The following JAK2 variants were observed in gnomAD, a reference collection of about 807,000 sequenced individuals.
The protein encoded by JAK2 is tyrosine-protein kinase JAK2.
In JAK2, 86 loss-of-function variants were observed where a neutral mutation model predicts 139.3. The observed-to-expected ratio is 0.62, with a 90% CI of 0.52 to 0.74. JAK2 has a LOEUF of 0.74. Among genes scored for constraint, JAK2 ranks in the 30% least tolerant of loss-of-function variants. The pLI is 0.00. For synonymous variants in JAK2, 490 were observed against 437.7 expected (o/e 1.12, Z -1.49); for missense variants, 1,421 against 1,360.3 (o/e 1.04, Z -0.70).
chr9:5,034,559 A>G (rs1220816103), intron 4 of JAK2, among the ~76,000 whole-genome samples: 2 of 152,100 alleles, frequency 1.3e-5, no homozygotes, highest in Non-Finnish European at 2.9e-5. Flanking sequence ...CAGTGCAATC[A>G]AACTAGAACT....
intron 19 of JAK2, among the ~76,000 whole-genome samples, chr9:5,083,202 G>A (rs1213439927): frequency 7.1e-6 from 1 of 140,786 alleles, no homozygotes; most frequent in Non-Finnish European, 1.6e-5. Context: ...TTATCTCAGG[G>A]AGAATTAATC....
chr9:5,054,919 T>C lies in JAK2; in HGVS notation c.936+35T>C, dbSNP rs770665789. ...AATGATATGTTCTTGTTCTTTGTTA[T>C]TTTAAGTACAATGGAAATAAAAACA... is the stretch of plus-strand genomic sequence containing the variant. On this transcript the variant is annotated intron_variant, in intron 7 of 24. Transcript: ENST00000381652. This position sits in a 1 kb window ranked among gnomAD's most constrained non-coding sequence, Gnocchi z 4.9. 1 of 1,417,258 alleles carries C rather than the reference T, an allele frequency of 7.1e-7. No individual in the cohort carries two copies. Among genetic ancestry groups the C allele is most frequent in the African/African-American group, 1.4e-5 (1 of 69,118 alleles). 87.8% of individuals were successfully genotyped at this position (1,417,258 alleles called of 1,614,324 possible). A position where few individuals can be genotyped will look rare whatever the true frequency, so the allele number is the denominator to read the frequency against.
chr9:4,999,535 GAT>G (rs1417846071), intron 2 of JAK2, among the ~76,000 whole-genome samples: 1 of 152,088 alleles, frequency 6.6e-6, no homozygotes, highest in South Asian at 2.1e-4. Flanking sequence ...GAACTAATAG[GAT>G]ATATATATGA....
At chr9:5,023,205 A>G (rs753946505) in intron 3 of JAK2, among the ~76,000 whole-genome samples, 12 of 152,012 alleles carry the variant, frequency 7.9e-5, no homozygotes, top group Non-Finnish European at 1.8e-4. Context: ...AATCCACTCT[A>G]CCTTCATGTG....
intron 2 of JAK2, among the ~76,000 whole-genome samples, chr9:5,016,743 C>T (rs954321496): frequency 6.6e-6 from 1 of 152,286 alleles, no homozygotes; most frequent in East Asian, 1.9e-4. Context: ...AGTTATTCTC[C>T]ATGCCCTCCC....
At chr9:5,036,313 A>G (rs927143766) in intron 4 of JAK2, among the ~76,000 whole-genome samples, 8 of 152,242 alleles carry the variant, frequency 5.3e-5, no homozygotes, top group Non-Finnish European at 1.0e-4. Flanking sequence ...AAAGTCCTTT[A>G]TGGATTCAAT....
chr9:4,997,457 G>A (rs146652598), intron 2 of JAK2, among the ~76,000 whole-genome samples: 130 of 152,266 alleles, frequency 8.5e-4, no homozygotes, highest in Non-Finnish European at 1.7e-3. Flanking sequence ...TGGGGAAGGT[G>A]CACACACTTT....
rs534287560 is a variant in JAK2 at position 5,042,238 on chromosome 9, C to T, written c.351-2165C>T. ...CTGCAAGCTCCGCCTCCCGGGTTCCCGCCATTCTCCTGCCTCAGCCTCCCA... is the reference window on the plus strand; with the variant it reads ...CTGCAAGCTCCGCCTCCCGGGTTCCTGCCATTCTCCTGCCTCAGCCTCCCA... On this transcript the variant is annotated intron_variant, in intron 4 of 24. Coordinates refer to ENST00000381652, the MANE Select transcript of JAK2 (RefSeq NM_004972.4). 2.1e-3 allele frequency among the ~76,000 whole-genome samples: 315 copies of T among 151,168 alleles called. 8 individuals carry two copies. The highest frequency in any genetic ancestry group is 0.017 in the Admixed American group (266 of 15,202).
intron 22 of JAK2, among the ~76,000 whole-genome samples, chr9:5,117,723 C>G (rs1398731463): frequency 6.6e-6 from 1 of 151,752 alleles, no homozygotes; most frequent in Non-Finnish European, 1.5e-5. Context: ...ATGGTAAATA[C>G]TGGTAGATAT....
intron 22 of JAK2, among the ~76,000 whole-genome samples, chr9:5,118,012 G>A (rs1188171206): frequency 1.3e-5 from 2 of 152,124 alleles, no homozygotes; most frequent in Non-Finnish European, 2.9e-5. Flanking sequence ...TAGTTATAAT[G>A]TATTTTCTAA....
intron 2 of JAK2, among the ~76,000 whole-genome samples, chr9:4,998,748 A>C (rs925485604): frequency 5.9e-5 from 9 of 152,002 alleles, no homozygotes; most frequent in Non-Finnish European, 8.8e-5. Flanking sequence ...AAACAAAAAA[A>C]AAAACAACAA....
chr9:4,989,283 CTCCA>C (rs1464927658), intron 2 of JAK2, among the ~76,000 whole-genome samples: 7 of 152,076 alleles, frequency 4.6e-5, no homozygotes, highest in African/African-American at 1.7e-4. Flanking sequence ...TGCCCATGTT[CTCCA>C]TCCCTCTTTT....
chr9:5,103,262 GTT>G (rs1285112817), intron 22 of JAK2, among the ~76,000 whole-genome samples: 3 of 105,866 alleles, frequency 2.8e-5, no homozygotes, highest in Non-Finnish European at 5.6e-5. Context: ...AAAAGCAGGA[GTT>G]GCAATCCCGG....
chr9:5,059,833 C>T (rs1028601634), intron 8 of JAK2, among the ~76,000 whole-genome samples: 1 of 152,076 alleles, frequency 6.6e-6, no homozygotes, highest in African/African-American at 2.4e-5. Flanking sequence ...ACTTATTGTT[C>T]ATCTGAATAT....
chr9:5,099,899 C>T (rs769342706), intron 22 of JAK2: 2 of 152,214 alleles, frequency 1.3e-5, no homozygotes, highest in East Asian at 1.9e-4. Flanking sequence ...GCAGTAATTA[C>T]AGTCTTCTGC....
chr9:4,990,799 C>A (rs1311523252), intron 2 of JAK2, among the ~76,000 whole-genome samples: 2 of 152,024 alleles, frequency 1.3e-5, no homozygotes, highest in Non-Finnish European at 2.9e-5. Flanking sequence ...TGGAAATAAC[C>A]ACTGTTAATA....
intron 2 of JAK2, among the ~76,000 whole-genome samples, chr9:5,008,701 T>C (rs1472986659): frequency 6.6e-6 from 1 of 152,238 alleles, no homozygotes; most frequent in Non-Finnish European, 1.5e-5. Context: ...CTTTGATTTG[T>C]ATCGGTACAG....
rs529388990 is a variant in JAK2 at position 5,111,983 on chromosome 9, C to G, written c.3060-11021C>G. 58 of 365,616 alleles carry G rather than the reference C, an allele frequency of 1.6e-4. 2 individuals are homozygous for G. The Admixed American group carries it at 1.6e-3, about 10-fold the overall frequency. The allele number at this position is 365,616 out of a possible 1,614,324, so 22.6% of individuals were successfully genotyped here. On this transcript the variant is annotated intron_variant, in intron 22 of 24. Transcript: ENST00000381652. ...GCCCCTCCACCGCCGTGGGCTCCCCCCAGGGCCTGGGAGGGACGTCGCACT... is the reference window on the plus strand; with the variant it reads ...GCCCCTCCACCGCCGTGGGCTCCCCGCAGGGCCTGGGAGGGACGTCGCACT...
intron 19 of JAK2, chr9:5,085,027 GT>G: frequency 1.2e-6 from 1 of 821,232 alleles, no homozygotes; most frequent in Non-Finnish European, 2.0e-6. Flanking sequence ...ATTTCTGAAA[GT>G]TGAATGAGGG....
Sources: gnomAD v4.1 joint callset for allele counts (sites outside exome capture counted in the v4.1 genomes callset) on GRCh38, gnomAD v4.1.1 for gene constraint, Gnocchi (gnomAD v3.1) non-coding constraint, MANE v1.5 for transcripts, NCBI Gene and HGNC (gene_info 2026-07-23, HGNC 2026-07-21) for gene names.